The following TRAPPC9 variants were observed in gnomAD, a reference collection of about 807,000 sequenced individuals.
TRAPPC9 encodes the protein trafficking protein particle complex subunit 9.
TRAPPC9 carries 83 observed loss-of-function variants against 124.0 expected under a neutral mutation model. That is an observed-to-expected ratio of 0.67 (90% CI 0.56 to 0.80). TRAPPC9 has a LOEUF of 0.80. TRAPPC9 is among the 30% of genes least tolerant of loss of function. The pLI is 0.00. For missense variants in TRAPPC9, 1,302 were observed against 1,508.3 expected, an observed-to-expected ratio of 0.86 and a Z score of 2.27; for synonymous variants, 638 against 617.5, an observed-to-expected ratio of 1.03 and a Z score of -0.49.
intron 19 of TRAPPC9, among the ~76,000 whole-genome samples, chr8:139,925,467 G>C (rs1452923371): frequency 6.6e-6 from 1 of 152,142 alleles, no homozygotes; most frequent in Non-Finnish European, 1.5e-5. Flanking sequence ...AGCTGTAAAG[G>C]CCGGGCACGG....
chr8:139,903,410 A>C (rs185692971), intron 20 of TRAPPC9, among the ~76,000 whole-genome samples: 1 of 152,176 alleles, frequency 6.6e-6, no homozygotes, highest in South Asian at 2.1e-4. Flanking sequence ...CAAACTGCGC[A>C]CCCAATTCTT....
intron 21 of TRAPPC9, among the ~76,000 whole-genome samples, chr8:139,793,241 G>C (rs1245291183): frequency 2.0e-5 from 3 of 152,112 alleles, no homozygotes; most frequent in Admixed American, 1.3e-4. Context: ...TCTCTTCCAG[G>C]ACCCCTCTGT....
At chr8:139,956,767 T>G (rs1018290919) in intron 19 of TRAPPC9, among the ~76,000 whole-genome samples, 3 of 152,214 alleles carry the variant, frequency 2.0e-5, no homozygotes, top group African/African-American at 7.2e-5. Flanking sequence ...CCCGGGCAGG[T>G]CCTATGCCTC....
intron 21 of TRAPPC9, among the ~76,000 whole-genome samples, chr8:139,737,386 G>C (rs992127970): frequency 2.0e-5 from 3 of 149,864 alleles, no homozygotes; most frequent in Admixed American, 6.8e-5. Flanking sequence ...GGATGCCAGC[G>C]CATGTGTCCC....
chr8:140,448,213 TGA>T, intron 2 of TRAPPC9, among the ~76,000 whole-genome samples: 1 of 151,736 alleles, frequency 6.6e-6, no homozygotes, highest in South Asian at 2.1e-4. Flanking sequence ...TTACCCATTA[TGA>T]GAGGAGGATG....
intron 20 of TRAPPC9, among the ~76,000 whole-genome samples, chr8:139,887,116 G>A (rs889592019): frequency 3.9e-5 from 6 of 152,008 alleles, no homozygotes; most frequent in African/African-American, 4.8e-5. Context: ...AGAGCCCGCC[G>A]GTCACACCAC....
chr8:139,920,278 G>A (rs943550531), intron 19 of TRAPPC9, among the ~76,000 whole-genome samples: 2 of 152,212 alleles, frequency 1.3e-5, no homozygotes, highest in African/African-American at 4.8e-5. Context: ...CTCAGGAGGT[G>A]GAGGTTGCAG....
chr8:140,116,845 G>C (rs188303644), intron 17 of TRAPPC9, among the ~76,000 whole-genome samples: 1 of 148,498 alleles, frequency 6.7e-6, no homozygotes, highest in Non-Finnish European at 1.5e-5. Flanking sequence ...GTGAGTAGGC[G>C]GAGTTCAGTA....
intron 17 of TRAPPC9, among the ~76,000 whole-genome samples, chr8:140,144,960 G>A (rs771508268): frequency 5.9e-5 from 9 of 151,738 alleles, no homozygotes; most frequent in Non-Finnish European, 1.0e-4. Context: ...TGCAACCTCT[G>A]CCTCACGGGT....
At chr8:140,014,157 T>C (rs927145517) in intron 18 of TRAPPC9, among the ~76,000 whole-genome samples, 4 of 152,166 alleles carry the variant, frequency 2.6e-5, no homozygotes, top group Non-Finnish European at 5.9e-5. Context: ...TCGTAACGAT[T>C]ACACCCCACG....
intron 17 of TRAPPC9, among the ~76,000 whole-genome samples, chr8:140,035,790 G>A (rs189932948): frequency 1.3e-5 from 2 of 152,316 alleles, no homozygotes; most frequent in South Asian, 2.1e-4. Context: ...CTGAAGAAGC[G>A]TCTTTCGATG....
intron 17 of TRAPPC9, among the ~76,000 whole-genome samples, chr8:140,038,788 C>A (rs534610934): frequency 6.6e-6 from 1 of 152,354 alleles, no homozygotes; most frequent in Admixed American, 6.5e-5. Context: ...TCTGTCTAAT[C>A]CACGTGCTTA....
At chr8:139,943,733 T>C (rs1369352969) in intron 19 of TRAPPC9, among the ~76,000 whole-genome samples, 1 of 152,110 alleles carries the variant, frequency 6.6e-6, no homozygotes, top group Non-Finnish European at 1.5e-5. Flanking sequence ...GTGGAAAAGC[T>C]AAAACTGAGA....
intron 15 of TRAPPC9, among the ~76,000 whole-genome samples, chr8:140,270,756 G>A (rs1563901504): frequency 6.6e-6 from 1 of 152,238 alleles, no homozygotes; most frequent in South Asian, 2.1e-4. Context: ...GGAGGAAAGG[G>A]TGTGTCTATG....
chr8:139,865,959 T>C (rs1340832701), intron 21 of TRAPPC9, among the ~76,000 whole-genome samples: 1 of 152,170 alleles, frequency 6.6e-6, no homozygotes, highest in African/African-American at 2.4e-5. Context: ...ATCAAATACA[T>C]TTAAGAAATA....
intron 5 of TRAPPC9, 46 bp from the exon 6 acceptor site, chr8:140,405,744 T>G: frequency 6.2e-7 from 1 of 1,611,190 alleles, no homozygotes; most frequent in East Asian, 2.2e-5. Flanking sequence ...GCTTTTTCTG[T>G]ATTATTTCTT....
intron 21 of TRAPPC9, among the ~76,000 whole-genome samples, chr8:139,736,934 AG>A (rs1168110082): frequency 6.6e-6 from 1 of 152,158 alleles, no homozygotes; most frequent in Admixed American, 6.5e-5. Flanking sequence ...AGCATATAAG[AG>A]GAGAGAAGAG....
chr8:140,156,519 T>C (rs1198868891), intron 17 of TRAPPC9, among the ~76,000 whole-genome samples: 1 of 152,234 alleles, frequency 6.6e-6, no homozygotes, highest in Non-Finnish European at 1.5e-5. Flanking sequence ...TCTTCTATCA[T>C]ACAAGAGAAA....
intron 9 of TRAPPC9, among the ~76,000 whole-genome samples, chr8:140,316,686 G>T (rs1215343793): frequency 6.6e-6 from 1 of 152,134 alleles, no homozygotes; most frequent in Non-Finnish European, 1.5e-5. Context: ...CTTCATCAGG[G>T]ATATCTGTCT....
Sources: gnomAD v4.1 joint callset for allele counts (sites outside exome capture counted in the v4.1 genomes callset) on GRCh38, gnomAD v4.1.1 for gene constraint, MANE v1.5 for transcripts, NCBI Gene and HGNC (gene_info 2026-07-23, HGNC 2026-07-21) for gene names.